CHCHD3: variants seen among roughly 807,000 people sequenced by gnomAD.
The protein encoded by CHCHD3 is MICOS complex subunit MIC19.
In CHCHD3, 20 loss-of-function variants were observed where a neutral mutation model predicts 38.2. The observed-to-expected ratio is 0.52, with a 90% confidence interval of 0.37 to 0.76. The LOEUF (loss-of-function observed/expected upper bound fraction) is 0.76, where lower values mean the gene tolerates loss of function less well. Ranked by LOEUF, CHCHD3 falls within the 30% of genes least tolerant of loss-of-function variation. The probability of loss-of-function intolerance (pLI) is 0.00; values close to 1 mark genes in which losing one functional copy is unlikely to be tolerated. For missense variants in CHCHD3, 245 were observed against 279.2 expected (o/e 0.88, Z 0.87); for synonymous variants, 82 against 100.0 (o/e 0.82, Z 1.07).
At chr7:133,037,227 A>C (rs1467224165) in intron 2 of CHCHD3, among the ~76,000 whole-genome samples, 1 of 152,258 alleles carries the variant, frequency 6.6e-6, no homozygotes, top group Non-Finnish European at 1.5e-5. Flanking sequence ...AGACTATTAA[A>C]TCTTCCTCCT....
chr7:132,804,891 G>A (rs953792265), intron 6 of CHCHD3, among the ~76,000 whole-genome samples: 1 of 152,192 alleles, frequency 6.6e-6, no homozygotes, highest in Non-Finnish European at 1.5e-5. Context: ...AATGAAGAGT[G>A]GCGGGAGCAG....
chr7:132,834,020 A>C (rs1238528211), intron 6 of CHCHD3, among the ~76,000 whole-genome samples: 1 of 152,176 alleles, frequency 6.6e-6, no homozygotes, highest in Non-Finnish European at 1.5e-5. Context: ...CCTAAGAGGA[A>C]CTGTTGAGTT....
intron 2 of CHCHD3, among the ~76,000 whole-genome samples, chr7:133,063,631 T>A (rs1584681893): frequency 6.6e-6 from 1 of 152,340 alleles, no homozygotes; most frequent in East Asian, 1.9e-4. Flanking sequence ...TACATATTCT[T>A]ACCACTCGGA....
chr7:133,056,557 TAC>T (rs1032204608), intron 2 of CHCHD3, among the ~76,000 whole-genome samples: 7 of 152,154 alleles, frequency 4.6e-5, no homozygotes, highest in African/African-American at 1.2e-4. Flanking sequence ...TGGCACTTAG[TAC>T]AGTGTCTGGC....
At chr7:132,940,184 ATAC>A (rs1443826701) in intron 4 of CHCHD3, among the ~76,000 whole-genome samples, 2 of 152,196 alleles carry the variant, frequency 1.3e-5, no homozygotes, top group African/African-American at 4.8e-5. Flanking sequence ...TAAGGTTGAA[ATAC>A]TACATGAGGC....
chr7:133,028,084 C>T (rs534664688), intron 2 of CHCHD3, among the ~76,000 whole-genome samples: 1 of 152,128 alleles, frequency 6.6e-6, no homozygotes, highest in Non-Finnish European at 1.5e-5. Flanking sequence ...AAGTTGCATA[C>T]AACCAGTAGC....
At chr7:133,073,352 C>T (rs1241267689) in intron 1 of CHCHD3, among the ~76,000 whole-genome samples, 2 of 152,128 alleles carry the variant, frequency 1.3e-5, no homozygotes, top group Non-Finnish European at 2.9e-5. Context: ...TGATTTCTAA[C>T]TGTTGTTGAT....
intron 6 of CHCHD3, among the ~76,000 whole-genome samples, chr7:132,835,365 G>A (rs1807753687): frequency 1.3e-5 from 2 of 152,094 alleles, no homozygotes; most frequent in South Asian, 4.2e-4. Flanking sequence ...CCTCTCTTTG[G>A]CCAAGGCCAA....
chr7:132,874,682 T>C (rs1808853540), intron 5 of CHCHD3, among the ~76,000 whole-genome samples: 1 of 152,184 alleles, frequency 6.6e-6, no homozygotes, highest in Non-Finnish European at 1.5e-5. Flanking sequence ...GTGCTGAATC[T>C]TGACATGGGA....
chr7:133,025,896 AG>A (rs1181200596), intron 2 of CHCHD3, among the ~76,000 whole-genome samples: 3 of 152,262 alleles, frequency 2.0e-5, no homozygotes, highest in African/African-American at 7.2e-5. Context: ...ATAAATGCTT[AG>A]TCCCACAGCA....
At position 133,013,206 on chromosome 7, in the gene CHCHD3, A is replaced by AAAAAAAG. The variant is rs35863843; in HGVS notation, c.251+11339_251+11340insCTTTTTT. On this transcript the variant is annotated intron_variant, in intron 3 of 7. Coordinates refer to ENST00000262570, the MANE Select transcript of CHCHD3 (RefSeq NM_017812.4). ...GCCTCAAAAAAAAAAAAAAAAAAAAACATTCAGACAGACATATAATAGGTA... is the reference window on the plus strand; with the variant it reads ...GCCTCAAAAAAAAAAAAAAAAAAAAAAAAAAAGCATTCAGACAGACATATAATAGGTA... Among the ~76,000 whole-genome samples, 149 of 108,714 alleles carry AAAAAAAG rather than the reference A, an allele frequency of 1.4e-3. 20 individuals carry two copies. The highest frequency in any genetic ancestry group is 2.7e-3 in the East Asian group (10 of 3,662). 71.3% of individuals were successfully genotyped at this position (108,714 alleles called of 152,430 possible).
rs916753116 is a variant in CHCHD3, at chr7:133,038,144, A to G, written c.170-13517T>C. Among the ~76,000 whole-genome samples the G allele has an allele frequency of 2.0e-4, 30 of 152,342 alleles. 1 individual carries two copies. The highest frequency in any genetic ancestry group is 7.0e-4 in the African/African-American group (29 of 41,590). ...TCTAAAAGTAGGTAGCACAGGCTCT[A>G]AGAAAACAAAATTGGTTCATGTTCT... is the stretch of plus-strand genomic sequence containing the variant. On this transcript the variant is annotated intron_variant, in intron 2 of 7. Transcript: ENST00000262570.
At chr7:132,810,831 G>A (rs115357574) in intron 6 of CHCHD3, among the ~76,000 whole-genome samples, 2,440 of 152,154 alleles carry the variant, frequency 0.016, 56 homozygotes, top group African/African-American at 0.055. Context: ...CCTTATGACA[G>A]CCCCTTAATA....
chr7:132,983,998 CACGGTCT>C, intron 3 of CHCHD3, among the ~76,000 whole-genome samples: 1 of 151,006 alleles, frequency 6.6e-6, no homozygotes, highest in African/African-American at 2.4e-5. Flanking sequence ...TCCCTCTCCC[CACGGTCT>C]CCCTCTCCCC....
chr7:132,800,703 A>G (rs1240382139), intron 6 of CHCHD3, among the ~76,000 whole-genome samples: 1 of 152,192 alleles, frequency 6.6e-6, no homozygotes, highest in Non-Finnish European at 1.5e-5. Flanking sequence ...ATGCAAAGAA[A>G]GGATCCTTTC....
chr7:132,916,237 G>C lies in CHCHD3; in HGVS notation c.370-30492C>G, dbSNP rs117507850. 1.8e-3 allele frequency among the ~76,000 whole-genome samples: 271 copies of C among 152,118 alleles called. 10 individuals are homozygous for C. In the East Asian group the frequency reaches 0.039, roughly 22 times the overall value. The stretch of plus-strand genomic sequence containing the variant: ...CACTCTTCATCCTAATTCCTTTACT[G>C]TTGTCTGGGTCTACCATGAAAGTGC... On this transcript the variant is annotated intron_variant, in intron 4 of 7. Transcript: ENST00000262570.
At chr7:132,893,706 C>A (rs905031558) in intron 4 of CHCHD3, among the ~76,000 whole-genome samples, 1 of 152,166 alleles carries the variant, frequency 6.6e-6, no homozygotes, top group African/African-American at 2.4e-5. Flanking sequence ...TTCCCACGAG[C>A]AGTTCCAGTG....
chr7:133,021,644 T>C (rs563273052), intron 3 of CHCHD3, among the ~76,000 whole-genome samples: 1 of 152,332 alleles, frequency 6.6e-6, no homozygotes, highest in South Asian at 2.1e-4. Context: ...TGCCATAAAA[T>C]TCACCAACCT....
intron 4 of CHCHD3, among the ~76,000 whole-genome samples, chr7:132,913,531 G>A (rs956077039): frequency 6.6e-5 from 10 of 152,186 alleles, no homozygotes; most frequent in African/African-American, 2.4e-4. Context: ...CAGCACTCAG[G>A]CTCTGGCCAC....
Sources: allele counts gnomAD v4.1 joint callset (sites outside exome capture counted in the v4.1 genomes callset), GRCh38; gene constraint gnomAD v4.1.1; transcripts MANE v1.5; gene names NCBI Gene and HGNC (gene_info 2026-07-23, HGNC 2026-07-21).